CCDC3: variants seen among roughly 807,000 people sequenced by gnomAD.
CCDC3 encodes the protein coiled-coil domain containing 3, also known as coiled-coil domain-containing protein 3.
Under a neutral mutation model 21.4 loss-of-function variants are expected in CCDC3, and 24 were observed. The ratio of observed to expected loss-of-function variants is 1.12; its 90% confidence interval spans 0.81 to 1.58. The LOEUF (loss-of-function observed/expected upper bound fraction) is 1.58, where lower values mean the gene tolerates loss of function less well. Ranked by LOEUF, CCDC3 falls within the 40% of genes most tolerant of loss-of-function variation. The pLI, the probability that CCDC3 is intolerant of heterozygous loss-of-function variation, is 0.00. For synonymous variants in CCDC3, 186 were observed against 166.0 expected, an observed-to-expected ratio of 1.12 and a Z score of -0.93; for missense variants, 425 against 360.9, an observed-to-expected ratio of 1.18 and a Z score of -1.44.
At chr10:13,038,710 G>A (rs1836411244) in intron 5 of CCDC3, among the ~76,000 whole-genome samples, 1 of 152,240 alleles carries the variant, frequency 6.6e-6, no homozygotes, top group Non-Finnish European at 1.5e-5. Flanking sequence ...CTGCAGATTA[G>A]AAGCAATAAT....
chr10:13,015,662 G>A (rs1836048048), intron 5 of CCDC3, among the ~76,000 whole-genome samples: 2 of 151,974 alleles, frequency 1.3e-5, no homozygotes, highest in Non-Finnish European at 1.5e-5. Context: ...AAACTCATTC[G>A]CAGCTGTATA....
At chr10:13,074,508 G>A (rs549301176) in intron 3 of CCDC3, among the ~76,000 whole-genome samples, 5 of 151,354 alleles carry the variant, frequency 3.3e-5, no homozygotes, top group African/African-American at 1.2e-4. Flanking sequence ...TTCTTCTGGA[G>A]TTCTTTTAAT....
chr10:12,906,261 T>A (rs146401759), intron 2 of CCDC3, among the ~76,000 whole-genome samples: 6 of 152,194 alleles, frequency 3.9e-5, no homozygotes, highest in Non-Finnish European at 5.9e-5. Context: ...TGCATGTGGC[T>A]TGGCAGCTCG....
At chr10:12,944,820 T>C (rs1289764160) in intron 2 of CCDC3, among the ~76,000 whole-genome samples, 3 of 152,238 alleles carry the variant, frequency 2.0e-5, no homozygotes, top group African/African-American at 7.2e-5. Flanking sequence ...ACTTAATGTC[T>C]CATTGTCATG....
At chr10:12,942,709 A>C (rs958382212) in intron 2 of CCDC3, among the ~76,000 whole-genome samples, 1 of 152,204 alleles carries the variant, frequency 6.6e-6, no homozygotes, top group Non-Finnish European at 1.5e-5. Flanking sequence ...TGGTCCTACC[A>C]ATCTTTTGTC....
intron 2 of CCDC3, among the ~76,000 whole-genome samples, chr10:12,960,820 G>A (rs1400881575): frequency 6.6e-6 from 1 of 152,216 alleles, no homozygotes; most frequent in African/African-American, 2.4e-5. Flanking sequence ...CTGACACCCA[G>A]AATGGGCATT....
chr10:13,071,627 G>C (rs577158956), intron 4 of CCDC3, among the ~76,000 whole-genome samples: 56 of 152,334 alleles, frequency 3.7e-4, no homozygotes, highest in African/African-American at 1.3e-3. Flanking sequence ...GACACCCATA[G>C]GTGGCACCCT....
chr10:13,009,049 C>G (rs187337265), intron 5 of CCDC3, among the ~76,000 whole-genome samples: 1 of 152,260 alleles, frequency 6.6e-6, no homozygotes, highest in East Asian at 1.9e-4. Flanking sequence ...TACAAAAAAG[C>G]TACTAGAATT....
At position 12,972,887 on chromosome 10, in the gene CCDC3, A is replaced by G. The variant is rs569516482; in HGVS notation, c.549+25451T>C. On this transcript the variant is annotated intron_variant, in intron 2 of 2. Coordinates refer to ENST00000378825, the MANE Select transcript of CCDC3 (RefSeq NM_031455.4). Reference sequence around the variant, plus strand: ...TTGGTGTGGTTTCTCATTCAGGAGAACTGCAGTGATGTAGTAGAAAGAACT... The same window carrying G: ...TTGGTGTGGTTTCTCATTCAGGAGAGCTGCAGTGATGTAGTAGAAAGAACT... Among the ~76,000 whole-genome samples the G allele has an allele frequency of 1.2e-4, 18 of 152,302 alleles. No homozygotes were observed. In the East Asian group the frequency reaches 2.7e-3, roughly 23 times the overall value.
upstream of CCDC3, among the ~76,000 whole-genome samples, chr10:13,004,541 A>G (rs1467950234): frequency 6.6e-6 from 1 of 151,066 alleles, no homozygotes; most frequent in Non-Finnish European, 1.5e-5. Context: ...TGTCTATTTC[A>G]GTGAGGACAA....
At chr10:12,971,212 G>A (rs550664571) in intron 2 of CCDC3, among the ~76,000 whole-genome samples, 25 of 152,330 alleles carry the variant, frequency 1.6e-4, no homozygotes, top group Middle Eastern at 3.4e-3. Flanking sequence ...AGTAGCTGGC[G>A]TGAGCAGGAA....
intron 2 of CCDC3, among the ~76,000 whole-genome samples, chr10:12,900,586 G>C (rs1834077926): frequency 6.7e-6 from 1 of 149,346 alleles, no homozygotes; most frequent in Non-Finnish European, 1.5e-5. Context: ...AGCTACTCGG[G>C]AGGCTGAGGC....
rs1251214566 is a variant in CCDC3, at chr10:12,898,615, T to C, written c.614A>G (p.Gln205Arg). Residue 205 changes from glutamine to arginine, a missense_variant, in exon 3 of 3, where the codon CAG becomes CGG. Coordinates refer to ENST00000378825, the MANE Select transcript of CCDC3 (RefSeq NM_031455.4). ...GCGCTTCTCCAGGGTGGCCACTTTCTGCTGCAGTTTCTTGACGTGGTCCTC... is the reference window on the plus strand; with the variant it reads ...GCGCTTCTCCAGGGTGGCCACTTTCCGCTGCAGTTTCTTGACGTGGTCCTC... ...EEEDHVKKLQ[Q>R]KVATLEKRNR... 7 of 1,614,136 alleles carry C rather than the reference T, an allele frequency of 4.3e-6. No homozygotes were observed. The highest frequency in any genetic ancestry group is 1.3e-5 in the African/African-American group (1 of 74,950).
At chr10:13,098,683 A>T (rs1832665126) in intron 2 of CCDC3, 1 of 137,172 alleles carries the variant, frequency 7.3e-6, no homozygotes. Flanking sequence ...AGCCCTTTTC[A>T]TGAATGATCA....
intron 2 of CCDC3, among the ~76,000 whole-genome samples, chr10:12,974,668 AG>A (rs1385517692): frequency 1.3e-5 from 2 of 152,218 alleles, no homozygotes; most frequent in Non-Finnish European, 2.9e-5. Context: ...GCCCACAGCC[AG>A]GAAGACCCAG....
chr10:12,946,324 A>T (rs1255662365), intron 2 of CCDC3, among the ~76,000 whole-genome samples: 1 of 152,190 alleles, frequency 6.6e-6, no homozygotes, highest in Non-Finnish European at 1.5e-5. Flanking sequence ...CAAAAAGGGG[A>T]AATTGTTCAA....
intron 4 of CCDC3, chr10:13,058,573 C>T (rs1588409772): frequency 1.2e-5 from 8 of 683,184 alleles, no homozygotes; most frequent in East Asian, 1.0e-4. Flanking sequence ...CATCACCAAG[C>T]GTTTCTGGGC....
chr10:13,024,088 G>C (rs1238285350), intron 5 of CCDC3, among the ~76,000 whole-genome samples: 2 of 152,016 alleles, frequency 1.3e-5, no homozygotes, highest in Admixed American at 6.6e-5. Flanking sequence ...TGTGCTTTAG[G>C]CTCTGTTCTC....
intron 5 of CCDC3, among the ~76,000 whole-genome samples, chr10:13,014,963 A>T (rs1836034498): frequency 7.2e-6 from 1 of 139,484 alleles, no homozygotes; most frequent in South Asian, 2.4e-4. Flanking sequence ...GTTATGTAGG[A>T]ACAACTGAAA....
Sources: allele counts gnomAD v4.1 joint callset (sites outside exome capture counted in the v4.1 genomes callset), GRCh38; gene constraint gnomAD v4.1.1; transcripts MANE v1.5; gene names NCBI Gene and HGNC (gene_info 2026-07-23, HGNC 2026-07-21).